Variants in BEST1 observed in about 807,000 individuals in gnomAD.
BEST1 encodes the protein bestrophin 1, also known as bestrophin-1.
In BEST1, 58 loss-of-function variants were observed where a neutral mutation model predicts 63.3. The observed-to-expected ratio is 0.92, with a 90% CI of 0.74 to 1.14. The LOEUF is 1.14. Ranked by LOEUF, BEST1 falls within the 50% of genes most tolerant of loss-of-function variation. The pLI is 0.00. For synonymous variants in BEST1, 283 were observed against 291.6 expected (o/e 0.97, Z 0.30); for missense variants, 671 against 740.1 (o/e 0.91, Z 1.08).
downstream of BEST1, chr11:61,964,921 G>A (rs373899527): frequency 1.2e-6 from 2 of 1,613,146 alleles, no homozygotes; most frequent in Non-Finnish European, 1.7e-6. Context: ...ACAGTTAGTG[G>A]GCAGCTTTCC....
chr11:61,963,948 G>A (rs1942339705), intron 10 of BEST1, 156 bp from the exon 11 acceptor site: 2 of 1,470,980 alleles, frequency 1.4e-6, no homozygotes, highest in Admixed American at 2.2e-5. Flanking sequence ...CAGTGAGATT[G>A]AGCAACTGCA....
chr11:61,964,822 C>A, downstream of BEST1: 2 of 1,600,720 alleles, frequency 1.2e-6, no homozygotes, highest in South Asian at 2.2e-5. Context: ...AAGTTGGTCA[C>A]GTGGTCACCC....
At chr11:61,953,818 T>A (rs1264060825) in intron 2 of BEST1, among the ~76,000 whole-genome samples, 2 of 152,090 alleles carry the variant, frequency 1.3e-5, no homozygotes, top group Admixed American at 6.5e-5. Flanking sequence ...CCCAGGAGGT[T>A]GAGGCTGCAG....
rs955330091 is a variant in BEST1 at position 61,958,001 on chromosome 11, G to C, written c.715-145G>C. 29 of 644,872 alleles carry C rather than the reference G, an allele frequency of 4.5e-5. 1 individual carries two copies. Among genetic ancestry groups the C allele is most frequent in the Admixed American group, 8.5e-5 (3 of 35,236 alleles). The allele number at this position is 644,872 out of a possible 1,614,324, so 39.9% of individuals were successfully genotyped here. A position where few individuals can be genotyped will look rare whatever the true frequency, so the allele number is the denominator to read the frequency against. ...ACAAACAAACAAACAAACAAACAAA[G>C]GGGTTAACAGAGCCCCTAAGTCACA... On this transcript the variant is annotated intron_variant, in intron 6 of 10. Transcript: ENST00000378043.
intron 4 of BEST1, among the ~76,000 whole-genome samples, chr11:61,956,434 T>A (rs558245440): frequency 5.9e-5 from 9 of 152,204 alleles, no homozygotes; most frequent in Admixed American, 4.6e-4. Flanking sequence ...GGAAGATCGC[T>A]TGAGCCCAGC....
At chr11:61,956,156 C>T (rs1941327063) in intron 4 of BEST1, among the ~76,000 whole-genome samples, 1 of 151,690 alleles carries the variant, frequency 6.6e-6, no homozygotes, top group African/African-American at 2.4e-5. Flanking sequence ...CAGGAGCCCA[C>T]CCTCCGAGAG....
chr11:61,959,686 CCCCTCCT>C (rs1320744958), intron 8 of BEST1, 108 bp downstream of exon 8: 1 of 1,343,726 alleles, frequency 7.4e-7, no homozygotes, highest in Non-Finnish European at 1.1e-6. Context: ...ATCAACCCTT[CCCCTCCT>C]CCCTCCTGCA....
intron 9 of BEST1, 39 bp downstream of exon 9, chr11:61,960,082 C>G (rs770425433): frequency 5.6e-6 from 9 of 1,595,718 alleles, no homozygotes; most frequent in South Asian, 1.1e-5. Flanking sequence ...GAAGCCCCTC[C>G]TAGTGCAGGG....
rs559225212 is a variant in BEST1, at chr11:61,954,625, G to A, written c.153-482G>A. On this transcript the variant is annotated intron_variant, in intron 2 of 10. Coordinates refer to ENST00000378043, the MANE Select transcript of BEST1 (RefSeq NM_004183.4). ...GCTACGACTGCAGGCATACGGCAAC[G>A]GCACCCAACTAATTTTTTGTAGAGA... 1.2e-4 allele frequency among the ~76,000 whole-genome samples: 18 copies of A among 152,138 alleles called. No homozygotes were observed. The South Asian group carries it at 2.9e-3, about 25-fold the overall frequency.
At chr11:61,964,809 C>T (rs768583228), downstream of BEST1, 6 of 1,600,130 alleles carry the variant, frequency 3.7e-6, no homozygotes, top group African/African-American at 1.3e-5. Context: ...TCCCATCTTG[C>T]GCAAGTTGGT....
chr11:61,965,306 G>T, downstream of BEST1: 1 of 1,609,124 alleles, frequency 6.2e-7, no homozygotes, highest in South Asian at 1.1e-5. Context: ...TAGTTTAAGT[G>T]ATTTCTGATA....
rs1419467441 is a variant in BEST1, at chr11:61,962,831, A to G, written c.1677A>G (p.Ser559=). Residue 559 remains serine, a synonymous_variant, in exon 10 of 11, where the codon TCA becomes TCG. Coordinates refer to ENST00000378043, the MANE Select transcript of BEST1 (RefSeq NM_004183.4). The part of the protein sequence containing the change: ...ENHLKEPLEQ[S]PTNIHTTLKD... ...ACCTCAAAGAACCTTTGGAACAATC[A>G]CCAACCAACATACACACTACACTCA... 7.4e-6 allele frequency: 12 copies of G among 1,614,140 alleles called. No individual in the cohort carries two copies. Among genetic ancestry groups the G allele is most frequent in the Non-Finnish European group, 1.0e-5 (12 of 1,180,020 alleles).
At chr11:61,955,349 G>A (rs900642864) in intron 3 of BEST1, 148 bp downstream of exon 3, 2 of 1,512,366 alleles carry the variant, frequency 1.3e-6, no homozygotes, top group Admixed American at 4.3e-5. Context: ...GTAGGGAAAG[G>A]TGCGGACTGC....
chr11:61,963,974 C>T (rs915051164), intron 10 of BEST1, 130 bp from the exon 11 acceptor site: 13 of 1,507,750 alleles, frequency 8.6e-6, no homozygotes, highest in African/African-American at 5.8e-5. Flanking sequence ...GCCTGGGCGA[C>T]GGAGTGAGAC....
Position 61,957,452 on chromosome 11 carries a change from G to C in BEST1, c.702G>C (p.Leu234=). The C allele has an allele frequency of 6.2e-7, 1 of 1,614,074 alleles. No homozygotes were observed. Among genetic ancestry groups the C allele is most frequent in the Non-Finnish European group, 8.5e-7 (1 of 1,179,950 alleles). Residue 234 remains leucine, a synonymous_variant, in exon 6 of 11, where the codon CTG becomes CTC. Coordinates refer to ENST00000378043, the MANE Select transcript of BEST1 (RefSeq NM_004183.4). Reference sequence around the variant, plus strand: ...CCTACGACTGGATTAGTATCCCACTGGTGTATACACAGGTGAGGACTAGGC... The same window carrying C: ...CCTACGACTGGATTAGTATCCCACTCGTGTATACACAGGTGAGGACTAGGC... ...LYAYDWISIP[L]VYTQVVTVAV...
chr11:61,963,173 T>A (rs754303059), intron 10 of BEST1: 1 of 1,442,238 alleles, frequency 6.9e-7, no homozygotes, highest in Admixed American at 2.9e-5. Flanking sequence ...AGAATGCTGC[T>A]GGAGAACTGC....
At chr11:61,953,033 G>A (rs563326467) in intron 2 of BEST1, among the ~76,000 whole-genome samples, 4 of 152,170 alleles carry the variant, frequency 2.6e-5, no homozygotes, top group African/African-American at 7.2e-5. Flanking sequence ...AGCCTGTGAG[G>A]TCGAGGCTGC....
Position 61,964,282 on chromosome 11 carries a change from T to C in BEST1, c.*160T>C, listed in dbSNP as rs1458506576. The C allele has an allele frequency of 1.4e-6, 2 of 1,393,040 alleles. No individual in the cohort carries two copies. Among genetic ancestry groups the C allele is most frequent in the African/African-American group, 2.9e-5 (2 of 69,352 alleles). The allele number at this position is 1,393,040 out of a possible 1,614,324, so 86.3% of individuals were successfully genotyped here. A position where few individuals can be genotyped will look rare whatever the true frequency, so the allele number is the denominator to read the frequency against. ...AGCTTAATAGATAAAAATCCCAGAC[T>C]ACTTCAGCCTTTAATGCCTTTTATT... On this transcript the variant is annotated 3_prime_UTR_variant, in exon 11 of 11. Coordinates refer to ENST00000378043, the MANE Select transcript of BEST1 (RefSeq NM_004183.4).
intron 7 of BEST1, chr11:61,959,205 G>A (rs1277878515): frequency 2.1e-6 from 1 of 486,126 alleles, no homozygotes; most frequent in Non-Finnish European, 3.8e-6. Context: ...TGCAACTCCA[G>A]GTAAGATACA....
Sources: gnomAD v4.1 joint callset for allele counts (sites outside exome capture counted in the v4.1 genomes callset) on GRCh38, gnomAD v4.1.1 for gene constraint, MANE v1.5 for transcripts, NCBI Gene and HGNC (gene_info 2026-07-23, HGNC 2026-07-21) for gene names.